SHISA9: variants seen among roughly 807,000 people sequenced by gnomAD.
SHISA9 encodes the protein protein shisa-9.
SHISA9 carries 13 observed loss-of-function variants against 38.0 expected under a neutral mutation model. The ratio of observed to expected loss-of-function variants is 0.34; its 90% CI spans 0.22 to 0.54. SHISA9 has a LOEUF of 0.54. SHISA9 is among the 20% of genes least tolerant of loss of function. The probability of loss-of-function intolerance (pLI) is 0.91; values close to 1 mark genes in which losing one functional copy is unlikely to be tolerated. For missense variants in SHISA9, 538 were observed against 575.8 expected (o/e 0.93, Z 0.67); for synonymous variants, 275 against 242.0 (o/e 1.14, Z -1.27).
the SHISA9 span, among the ~76,000 whole-genome samples, chr16:13,323,624 G>A: frequency 2.6e-5 from 4 of 152,136 alleles, no homozygotes; most frequent in Non-Finnish European, 5.9e-5. Context: ...CCGCACGCCT[G>A]GGGAGGCCTC....
chr16:12,925,389 C>T (rs1215443347), intron 2 of SHISA9, among the ~76,000 whole-genome samples: 1 of 151,152 alleles, frequency 6.6e-6, no homozygotes, highest in Non-Finnish European at 1.5e-5. Context: ...CAGTAAGAAT[C>T]TGTATGGTCC....
chr16:13,525,841 T>C, the SHISA9 span, among the ~76,000 whole-genome samples: 142 of 152,152 alleles, frequency 9.3e-4, no homozygotes, highest in African/African-American at 3.3e-3. Flanking sequence ...ATGAGGGAGA[T>C]TTAGATATTG....
chr16:13,283,700 G>A, the SHISA9 span, among the ~76,000 whole-genome samples: 1 of 151,890 alleles, frequency 6.6e-6, no homozygotes, highest in Non-Finnish European at 1.5e-5. Flanking sequence ...TGAGATTTGG[G>A]TGGGGACACA....
intron 2 of SHISA9, among the ~76,000 whole-genome samples, chr16:13,185,374 A>T (rs901675593): frequency 1.3e-5 from 2 of 151,932 alleles, no homozygotes; most frequent in African/African-American, 4.8e-5. Context: ...GCTACTTAAA[A>T]ATTTTTTTGG....
At chr16:12,904,244 T>A (rs958959004) in intron 1 of SHISA9, among the ~76,000 whole-genome samples, 27 of 152,174 alleles carry the variant, frequency 1.8e-4, no homozygotes, top group African/African-American at 6.3e-4. Context: ...GTCGCCTTGG[T>A]AGGGAAAGAT....
intron 2 of SHISA9, among the ~76,000 whole-genome samples, chr16:13,007,947 A>C (rs1353060711): frequency 6.6e-6 from 1 of 152,038 alleles, no homozygotes; most frequent in African/African-American, 2.4e-5. Context: ...AGCAGACACT[A>C]TTGGTGCTCT....
chr16:13,511,873 A>T, the SHISA9 span, among the ~76,000 whole-genome samples: 1 of 152,162 alleles, frequency 6.6e-6, no homozygotes, highest in Non-Finnish European at 1.5e-5. Flanking sequence ...ATGTGAAAAA[A>T]CTATCCAAGT....
chr16:13,200,946 G>A (rs2051000919), intron 2 of SHISA9, among the ~76,000 whole-genome samples: 1 of 135,436 alleles, frequency 7.4e-6, no homozygotes, highest in African/African-American at 2.9e-5. Flanking sequence ...CAGGGGTTGA[G>A]TTATCTAAAA....
chr16:13,301,286 A>G, the SHISA9 span, among the ~76,000 whole-genome samples: 3 of 152,162 alleles, frequency 2.0e-5, no homozygotes, highest in African/African-American at 7.2e-5. Context: ...GATGGTTTGC[A>G]CTTCTCAAAA....
At chr16:12,977,507 A>G (rs2072179574) in intron 2 of SHISA9, among the ~76,000 whole-genome samples, 1 of 152,204 alleles carries the variant, frequency 6.6e-6, no homozygotes, top group Admixed American at 6.5e-5. Context: ...TCATGAAGAT[A>G]TATGCGCGTG....
At chr16:13,483,548 C>G in the SHISA9 span, among the ~76,000 whole-genome samples, 1 of 152,000 alleles carries the variant, frequency 6.6e-6, no homozygotes, top group Admixed American at 6.6e-5. Context: ...TAGCCTTTTT[C>G]CAGTCTTTTA....
chr16:13,000,711 C>T (rs1173875719), intron 2 of SHISA9, among the ~76,000 whole-genome samples: 2 of 152,094 alleles, frequency 1.3e-5, no homozygotes, highest in African/African-American at 2.4e-5. Context: ...GGATGGCTTC[C>T]CAGAGTGCCT....
the SHISA9 span, among the ~76,000 whole-genome samples, chr16:13,533,726 C>G: frequency 2.0e-5 from 3 of 151,914 alleles, no homozygotes; most frequent in Non-Finnish European, 2.9e-5. Flanking sequence ...GCATCAATTT[C>G]CCCCTCTTTG....
intron 2 of SHISA9, among the ~76,000 whole-genome samples, chr16:13,197,233 AAAC>A (rs1406273585): frequency 6.6e-6 from 1 of 152,114 alleles, no homozygotes; most frequent in Non-Finnish European, 1.5e-5. Context: ...GTGCTCGACA[AAAC>A]AACACTATTT....
At chr16:12,917,463 CTG>C (rs934379448) in intron 2 of SHISA9, among the ~76,000 whole-genome samples, 14 of 152,036 alleles carry the variant, frequency 9.2e-5, no homozygotes, top group African/African-American at 2.4e-4. Context: ...AAAAAAAAAA[CTG>C]TGTTTGCTAT....
intron 2 of SHISA9, among the ~76,000 whole-genome samples, chr16:12,940,422 C>A (rs1448902298): frequency 6.8e-6 from 1 of 147,998 alleles, no homozygotes; most frequent in Admixed American, 6.8e-5. Flanking sequence ...CCTAGTCCCC[C>A]CATAAATGAC....
chr16:12,974,998 C>A (rs997870341), intron 2 of SHISA9, among the ~76,000 whole-genome samples: 1 of 152,030 alleles, frequency 6.6e-6, no homozygotes, highest in Admixed American at 6.6e-5. Flanking sequence ...ACCTTGTTAA[C>A]CTACATGCAC....
chr16:13,380,343 G>C, the SHISA9 span, among the ~76,000 whole-genome samples: 1 of 152,132 alleles, frequency 6.6e-6, no homozygotes, highest in African/African-American at 2.4e-5. Flanking sequence ...TTTAAAAGAA[G>C]GGGGGAAAGA....
chr16:13,496,079 T>C, the SHISA9 span, among the ~76,000 whole-genome samples: 1 of 152,146 alleles, frequency 6.6e-6, no homozygotes. Context: ...TGCAAATAGA[T>C]ACACTAAATG....
Sources: allele counts gnomAD v4.1 joint callset (sites outside exome capture counted in the v4.1 genomes callset), GRCh38; gene constraint gnomAD v4.1.1; transcripts MANE v1.5; gene names NCBI Gene and HGNC (gene_info 2026-07-23, HGNC 2026-07-21).